Variants in TMTC2 observed in about 807,000 individuals in gnomAD.
The protein encoded by TMTC2 is protein O-mannosyl-transferase TMTC2.
A neutral mutation model predicts 82.4 loss-of-function variants in TMTC2; 43 were observed. That is an observed-to-expected ratio of 0.52 (90% CI 0.41 to 0.67). The LOEUF is 0.67. TMTC2 is among the 30% of genes least tolerant of loss of function. TMTC2 has a pLI of 0.00. For missense variants in TMTC2, 919 were observed against 1,012.4 expected, an observed-to-expected ratio of 0.91 and a Z score of 1.25; for synonymous variants, 408 against 381.9, an observed-to-expected ratio of 1.07 and a Z score of -0.80.
intron 8 of TMTC2, among the ~76,000 whole-genome samples, chr12:82,997,053 C>T (rs888661517): frequency 6.6e-6 from 1 of 151,558 alleles, no homozygotes; most frequent in Non-Finnish European, 1.5e-5. Flanking sequence ...TTCCCCTTTT[C>T]TACCTAGGGT....
chr12:83,078,178 A>C (rs1883351878), intron 11 of TMTC2, among the ~76,000 whole-genome samples: 1 of 151,986 alleles, frequency 6.6e-6, no homozygotes, highest in Admixed American at 6.6e-5. Context: ...TTCTTGCTAA[A>C]CTGACTTAGC....
At chr12:82,844,149 A>C (rs1274586432) in intron 1 of TMTC2, among the ~76,000 whole-genome samples, 2 of 152,164 alleles carry the variant, frequency 1.3e-5, no homozygotes, top group Non-Finnish European at 2.9e-5. Context: ...CAGGCTGAGG[A>C]GTCAGTGGAT....
intron 1 of TMTC2, among the ~76,000 whole-genome samples, chr12:82,706,184 C>T (rs1343375184): frequency 1.3e-5 from 2 of 151,906 alleles, no homozygotes; most frequent in East Asian, 3.9e-4. Flanking sequence ...TGGTGCATGC[C>T]TGTAATCCTA....
At chr12:82,904,974 TTTTG>T (rs1184181319) in intron 3 of TMTC2, among the ~76,000 whole-genome samples, 3 of 149,574 alleles carry the variant, frequency 2.0e-5, no homozygotes, top group African/African-American at 5.0e-5. Flanking sequence ...TCTTCAAGTT[TTTTG>T]TTTCTTTTTT....
In TMTC2 at chr12:83,093,197, A is replaced by G. The variant is rs535736394; in HGVS notation, c.2331+31366A>G. Among the ~76,000 whole-genome samples the G allele has an allele frequency of 5.1e-4, 78 of 152,324 alleles. 1 individual carries two copies. Among genetic ancestry groups the G allele is most frequent in the African/African-American group, 1.6e-3 (67 of 41,572 alleles). Reference sequence around the variant, plus strand: ...TGTGGACTAGTCTACGACATAAAGAATAATGAAACACTAGAAAAGAAAATT... The same window carrying G: ...TGTGGACTAGTCTACGACATAAAGAGTAATGAAACACTAGAAAAGAAAATT... On this transcript the variant is annotated intron_variant, in intron 11 of 11. Transcript: ENST00000321196.
chr12:83,123,379 T>C (rs1885013821), intron 11 of TMTC2, among the ~76,000 whole-genome samples: 1 of 152,228 alleles, frequency 6.6e-6, no homozygotes, highest in African/African-American at 2.4e-5. Flanking sequence ...CTGTCAGAAT[T>C]TGCCTTGCCA....
At chr12:83,017,813 G>GGA (rs898911570) in intron 8 of TMTC2, among the ~76,000 whole-genome samples, 50 of 142,512 alleles carry the variant, frequency 3.5e-4, no homozygotes, top group African/African-American at 1.3e-3. Flanking sequence ...ATTTATAACT[G>GGA]AAAAAAAAAA....
Position 83,134,258 on chromosome 12 carries a change from G to A in TMTC2, c.*1869G>A, listed in dbSNP as rs1194817529. 2.0e-5 allele frequency: 3 copies of A among 150,418 alleles called. No homozygotes were observed. Among genetic ancestry groups the A allele is most frequent in the Non-Finnish European group, 4.4e-5 (3 of 67,714 alleles). The allele number at this position is 150,418 out of a possible 1,614,324, so 9.3% of individuals were successfully genotyped here. Reference sequence around the variant, plus strand: ...TCAAACCAAAATAGTGGGTTGAAGTGTATTATTCATCTTTTAGTGCATTGG... The same window carrying A: ...TCAAACCAAAATAGTGGGTTGAAGTATATTATTCATCTTTTAGTGCATTGG... On this transcript the variant is annotated 3_prime_UTR_variant, in exon 12 of 12. Transcript: ENST00000321196.
intron 4 of TMTC2, among the ~76,000 whole-genome samples, chr12:82,956,543 A>G (rs1877626456): frequency 6.6e-6 from 1 of 152,020 alleles, no homozygotes; most frequent in African/African-American, 2.4e-5. Context: ...TCCATCTCCC[A>G]TGTTCAAGTG....
At chr12:82,816,988 A>G (rs1217162547) in intron 1 of TMTC2, among the ~76,000 whole-genome samples, 4 of 141,744 alleles carry the variant, frequency 2.8e-5, no homozygotes, top group Non-Finnish European at 4.6e-5. Flanking sequence ...TTTTTTTGAG[A>G]TGGAGTTTCA....
intron 3 of TMTC2, among the ~76,000 whole-genome samples, chr12:82,920,855 A>G (rs1304976480): frequency 6.6e-6 from 1 of 152,190 alleles, no homozygotes; most frequent in Non-Finnish European, 1.5e-5. Context: ...ACTAAGAAGA[A>G]TGGATAAATA....
At chr12:83,022,509 T>A (rs772792670) in intron 8 of TMTC2, among the ~76,000 whole-genome samples, 54 of 152,224 alleles carry the variant, frequency 3.5e-4, no homozygotes, top group Non-Finnish European at 5.7e-4. Flanking sequence ...GAACTTTGTC[T>A]TGATTACCAA....
At chr12:82,943,220 C>T (rs553368871) in intron 4 of TMTC2, among the ~76,000 whole-genome samples, 35 of 152,288 alleles carry the variant, frequency 2.3e-4, no homozygotes, top group African/African-American at 8.4e-4. Flanking sequence ...ACAAGCTTGT[C>T]TCTCAATGTG....
intron 1 of TMTC2, among the ~76,000 whole-genome samples, chr12:82,835,520 T>A (rs1461779276): frequency 6.6e-6 from 1 of 152,228 alleles, no homozygotes; most frequent in African/African-American, 2.4e-5. Flanking sequence ...AACTTAGCTT[T>A]GTTTAACTTC....
chr12:82,766,643 A>G (rs1876977872), intron 1 of TMTC2, among the ~76,000 whole-genome samples: 1 of 152,254 alleles, frequency 6.6e-6, no homozygotes, highest in African/African-American at 2.4e-5. Flanking sequence ...AATGCCAAAT[A>G]TGGCAGAGAT....
chr12:82,853,193 C>T (rs556865013), intron 1 of TMTC2, among the ~76,000 whole-genome samples: 2 of 152,106 alleles, frequency 1.3e-5, no homozygotes, highest in East Asian at 1.9e-4. Context: ...ACCTCCACCT[C>T]GAGGGTTCAA....
Position 82,845,226 on chromosome 12 carries a change from C to CAAAAA in TMTC2, c.84-11761_84-11757dup, listed in dbSNP as rs66859423. On this transcript the variant is annotated intron_variant, in intron 1 of 11. Coordinates refer to ENST00000321196, the MANE Select transcript of TMTC2 (RefSeq NM_152588.3). ...CCTGGGTGACAGAGCGTGACTGTCT[C>CAAAAA]AAAAAAAAAAAAAAAAAAAAAAAAA... 1.5e-3 allele frequency among the ~76,000 whole-genome samples: 70 copies of CAAAAA among 45,560 alleles called. 3 individuals carry two copies. The highest frequency in any genetic ancestry group is 4.1e-3 in the South Asian group (3 of 724). The allele number at this position is 45,560 out of a possible 152,430, so 29.9% of individuals were successfully genotyped here.
chr12:82,896,251 C>CA lies in TMTC2; in HGVS notation c.1089dup (p.Glu364ArgfsTer3), dbSNP rs1311990737. 1 of 1,614,078 alleles carries CA rather than the reference C, an allele frequency of 6.2e-7. No individual in the cohort carries two copies. Among genetic ancestry groups the CA allele is most frequent in the South Asian group, 1.1e-5 (1 of 91,074 alleles). On this transcript the variant is annotated frameshift_variant, in exon 3 of 12. Transcript: ENST00000321196. LOFTEE classifies it high-confidence loss of function. ...CTTTCAGATGTGGAGTACCAGAACT[C>CA]AGAGACTAAGTCCAGCTTTGCATCC...
chr12:82,824,155 A>G (rs562197629), intron 1 of TMTC2, among the ~76,000 whole-genome samples: 1 of 152,292 alleles, frequency 6.6e-6, no homozygotes, highest in Non-Finnish European at 1.5e-5. Context: ...CGGCCTCCCA[A>G]AGTGCTGGGA....
Sources: allele counts gnomAD v4.1 joint callset (sites outside exome capture counted in the v4.1 genomes callset), GRCh38; gene constraint gnomAD v4.1.1; transcripts MANE v1.5; gene names NCBI Gene and HGNC (gene_info 2026-07-23, HGNC 2026-07-21).